Variants in PTPRN2 observed in about 807,000 individuals in gnomAD.
PTPRN2 encodes the protein protein tyrosine phosphatase receptor type N2.
In PTPRN2, 74 loss-of-function variants were observed where a neutral mutation model predicts 118.8. That is an observed-to-expected ratio of 0.62 (90% CI 0.52 to 0.76). PTPRN2 has a LOEUF of 0.76. PTPRN2 is among the 30% of genes least tolerant of loss of function. The pLI, the probability that PTPRN2 is intolerant of heterozygous loss-of-function variation, is 0.00. For missense variants in PTPRN2, 1,481 were observed against 1,394.4 expected, an observed-to-expected ratio of 1.06 and a Z score of -0.99; for synonymous variants, 641 against 608.0, an observed-to-expected ratio of 1.05 and a Z score of -0.80.
At chr7:158,194,070 G>A (rs1179175076) in intron 4 of PTPRN2, among the ~76,000 whole-genome samples, 3 of 151,974 alleles carry the variant, frequency 2.0e-5, no homozygotes. Flanking sequence ...TCAGGCAACA[G>A]AGGAAGACCC....
intron 2 of PTPRN2, among the ~76,000 whole-genome samples, chr7:158,432,095 T>C (rs1425953008): frequency 6.6e-6 from 1 of 152,230 alleles, no homozygotes; most frequent in Admixed American, 6.5e-5. Flanking sequence ...CGGAACATTC[T>C]GGCTGACTCA....
At chr7:157,740,301 A>C (rs73165811) in intron 12 of PTPRN2, 9,656 of 151,980 alleles carry the variant, frequency 0.064, 577 homozygotes, top group African/African-American at 0.15. Context: ...AATGACCCAG[A>C]CTCAGAAAAG....
chr7:158,375,171 A>C (rs1810403842), intron 2 of PTPRN2, among the ~76,000 whole-genome samples: 1 of 152,238 alleles, frequency 6.6e-6, no homozygotes, highest in African/African-American at 2.4e-5. Context: ...GAAGTCAGAA[A>C]GGTGCCTAAA....
In PTPRN2 at chr7:157,591,599, C is replaced by T. The variant is rs983349074; in HGVS notation, c.2496+3639G>A. Among the ~76,000 whole-genome samples the T allele has an allele frequency of 1.1e-4, 17 of 152,248 alleles. No individual in the cohort carries two copies. The highest frequency in any genetic ancestry group is 4.6e-4 in the Admixed American group (7 of 15,292). ...AAGACAGGTGTTCTTCCTCTGCCTG[C>T]GTTCTGCTAAGCCAGAGAGGGCAAA... On this transcript the variant is annotated intron_variant, in intron 17 of 22. Transcript: ENST00000389418. The surrounding 1 kb of genome is among the most constrained non-coding windows in gnomAD (Gnocchi z 4.4).
At chr7:157,722,803 G>A (rs1298335371) in intron 12 of PTPRN2, among the ~76,000 whole-genome samples, 1 of 152,084 alleles carries the variant, frequency 6.6e-6, no homozygotes, top group Non-Finnish European at 1.5e-5. Flanking sequence ...AAGGGAGAAG[G>A]CAGGGGTGAG....
chr7:158,066,771 G>C (rs895063056), intron 11 of PTPRN2, among the ~76,000 whole-genome samples: 1 of 151,924 alleles, frequency 6.6e-6, no homozygotes. Context: ...AAGGCTGGCA[G>C]GTGACTCTGG....
chr7:158,317,019 C>A, intron 2 of PTPRN2, 87 bp from the exon 3 acceptor site: 1 of 992,244 alleles, frequency 1.0e-6, no homozygotes, highest in Non-Finnish European at 1.5e-6. Flanking sequence ...GCAATGCGTT[C>A]TGATCATGTG....
chr7:157,601,816 T>C (rs1376465613), intron 16 of PTPRN2, among the ~76,000 whole-genome samples: 2 of 152,226 alleles, frequency 1.3e-5, no homozygotes, highest in Non-Finnish European at 2.9e-5. Flanking sequence ...ACGGCTTTAT[T>C]CCTCATTCTG....
intron 11 of PTPRN2, among the ~76,000 whole-genome samples, chr7:158,000,495 C>T (rs1421839420): frequency 2.0e-5 from 3 of 151,236 alleles, no homozygotes; most frequent in Non-Finnish European, 4.4e-5. Context: ...TCTTCCTCCT[C>T]CTCTTTATTT....
intron 2 of PTPRN2, among the ~76,000 whole-genome samples, chr7:158,441,026 G>A (rs903876694): frequency 2.7e-5 from 4 of 149,902 alleles, no homozygotes; most frequent in Non-Finnish European, 4.4e-5. Context: ...TCGTGGTGGT[G>A]GTGACAGTGG....
At position 157,655,550 on chromosome 7, in the gene PTPRN2, G is replaced by A. The variant is rs572653802; in HGVS notation, c.2196+807C>T. On this transcript the variant is annotated intron_variant, in intron 14 of 22. Transcript: ENST00000389418. ...CTGCAACCTGGGAACTTAATGGTAC[G>A]GCGAAGAATGTTTCCCTGACCCGTA... Among the ~76,000 whole-genome samples the A allele has an allele frequency of 2.2e-4, 33 of 152,324 alleles. No homozygotes were observed. In the South Asian group the frequency reaches 3.5e-3, roughly 16 times the overall value.
intron 2 of PTPRN2, among the ~76,000 whole-genome samples, chr7:158,488,062 G>A (rs1029045062): frequency 2.6e-5 from 4 of 152,192 alleles, no homozygotes; most frequent in East Asian, 3.9e-4. Context: ...CACCCAGGCC[G>A]GCCTTTGTCA....
chr7:157,895,223 G>T (rs1056167275), intron 12 of PTPRN2, among the ~76,000 whole-genome samples: 7 of 148,144 alleles, frequency 4.7e-5, no homozygotes, highest in African/African-American at 1.7e-4. Context: ...AGAGGATCTG[G>T]ACGAAACCAT....
intron 5 of PTPRN2, among the ~76,000 whole-genome samples, chr7:158,172,378 A>AGCATTATCATTGATAATG (rs1823777444): frequency 6.6e-6 from 1 of 152,188 alleles, no homozygotes; most frequent in Non-Finnish European, 1.5e-5. Context: ...GGCAGTCATC[A>AGCATTATCATTGATAATG]GCAGTATCAT....
chr7:157,702,596 G>A (rs866462272), intron 12 of PTPRN2, among the ~76,000 whole-genome samples: 6 of 152,220 alleles, frequency 3.9e-5, no homozygotes, highest in Admixed American at 6.5e-5. Flanking sequence ...GCCCCGGGGC[G>A]GAGGCTCACC....
At chr7:158,423,024 C>T (rs925807938) in intron 2 of PTPRN2, among the ~76,000 whole-genome samples, 3 of 152,190 alleles carry the variant, frequency 2.0e-5, no homozygotes, top group African/African-American at 7.2e-5. Flanking sequence ...GAACCATGGC[C>T]GATAAACCCG....
At chr7:157,572,884 T>C (rs1232062282) in intron 19 of PTPRN2, among the ~76,000 whole-genome samples, 1 of 152,222 alleles carries the variant, frequency 6.6e-6, no homozygotes, top group African/African-American at 2.4e-5. Flanking sequence ...CGTGTCACCG[T>C]TTCTGTTAGA....
chr7:158,450,602 C>A (rs1818033267), intron 2 of PTPRN2, among the ~76,000 whole-genome samples: 1 of 152,230 alleles, frequency 6.6e-6, no homozygotes, highest in African/African-American at 2.4e-5. Flanking sequence ...GCGCCTGCCT[C>A]TGCACCAGAT....
intron 11 of PTPRN2, among the ~76,000 whole-genome samples, chr7:158,076,339 G>A (rs578024165): frequency 6.6e-6 from 1 of 152,094 alleles, no homozygotes; most frequent in South Asian, 2.1e-4. Context: ...GAGCGTGGAT[G>A]GCTTTAGGCC....
Sources: allele counts gnomAD v4.1 joint callset (sites outside exome capture counted in the v4.1 genomes callset), GRCh38; gene constraint gnomAD v4.1.1; non-coding constraint Gnocchi (gnomAD v3.1); transcripts MANE v1.5; gene names NCBI Gene and HGNC (gene_info 2026-07-23, HGNC 2026-07-21).